Variants in ESRRG observed in about 807,000 individuals in gnomAD.
ESRRG encodes the protein estrogen related receptor gamma, also known as estrogen-related receptor gamma.
ESRRG carries 13 observed loss-of-function variants against 44.0 expected under a neutral mutation model. That is an observed-to-expected ratio of 0.30 (90% CI 0.19 to 0.47). The LOEUF is 0.47. Among genes scored for constraint, ESRRG ranks in the 20% least tolerant of loss-of-function variants. The pLI, the probability that ESRRG is intolerant of heterozygous loss-of-function variation, is 1.00. For missense variants in ESRRG, 395 were observed against 580.6 expected (o/e 0.68, Z 3.29); for synonymous variants, 215 against 214.6 (o/e 1.00, Z -0.02).
intron 1 of ESRRG, among the ~76,000 whole-genome samples, chr1:217,088,398 C>CTTTTTTTTTTTTT (rs71585811): frequency 1.3e-4 from 8 of 59,740 alleles, no homozygotes; most frequent in African/African-American, 5.1e-4. Flanking sequence ...TTTTTCCTGT[C>CTTTTTTTTTTTTT]TTTTTTTTTT....
chr1:217,030,191 T>C (rs562944747), intron 1 of ESRRG, among the ~76,000 whole-genome samples: 1 of 152,194 alleles, frequency 6.6e-6, no homozygotes, highest in East Asian at 1.9e-4. Context: ...CTCATGGACA[T>C]GACCATAAAC....
At chr1:216,680,945 G>C (rs998793909) in intron 1 of ESRRG, among the ~76,000 whole-genome samples, 36 of 152,246 alleles carry the variant, frequency 2.4e-4, no homozygotes, top group African/African-American at 8.2e-4. Context: ...TTGTCAGAAA[G>C]AGCCATTTTC....
chr1:216,617,096 G>T (rs1272029844), intron 3 of ESRRG, among the ~76,000 whole-genome samples: 1 of 152,040 alleles, frequency 6.6e-6, no homozygotes, highest in Non-Finnish European at 1.5e-5. Flanking sequence ...TTCAATGTTT[G>T]TTATATGATG....
chr1:216,768,494 C>CTATCTATA (rs1182367720), intron 2 of ESRRG, among the ~76,000 whole-genome samples: 1 of 150,842 alleles, frequency 6.6e-6, no homozygotes, highest in Non-Finnish European at 1.5e-5. Flanking sequence ...ATCTATCTAT[C>CTATCTATA]TATCTATATT....
intron 1 of ESRRG, among the ~76,000 whole-genome samples, chr1:217,038,914 A>C (rs1453491952): frequency 6.6e-6 from 1 of 152,206 alleles, no homozygotes; most frequent in Non-Finnish European, 1.5e-5. Context: ...CTTTAACAGC[A>C]AGTAAGTCAC....
chr1:216,806,006 G>A (rs2094781070), intron 2 of ESRRG, among the ~76,000 whole-genome samples: 1 of 152,116 alleles, frequency 6.6e-6, no homozygotes, highest in South Asian at 2.1e-4. Flanking sequence ...TCCTCTATGG[G>A]ACTTGGAACC....
At chr1:216,873,745 C>T (rs990555967) in intron 2 of ESRRG, among the ~76,000 whole-genome samples, 7 of 151,166 alleles carry the variant, frequency 4.6e-5, no homozygotes, top group Admixed American at 6.6e-5. Context: ...GGGACCACAG[C>T]TCCACTGAAA....
chr1:216,811,450 C>A (rs1330411010), intron 2 of ESRRG, among the ~76,000 whole-genome samples: 1 of 152,154 alleles, frequency 6.6e-6, no homozygotes, highest in Non-Finnish European at 1.5e-5. Context: ...CACTCATTAA[C>A]TCTAACCTCT....
chr1:217,093,154 C>T (rs1502357), upstream of ESRRG, among the ~76,000 whole-genome samples: 63,150 of 152,024 alleles, frequency 0.42, 14,384 homozygotes, highest in East Asian at 0.57. Flanking sequence ...AATAAGAACC[C>T]GTAGGCAGGA....
intron 1 of ESRRG, among the ~76,000 whole-genome samples, chr1:217,068,857 C>G (rs2090156970): frequency 6.6e-6 from 1 of 152,186 alleles, no homozygotes; most frequent in Non-Finnish European, 1.5e-5. Flanking sequence ...TTAAAATACT[C>G]CAATCCCTAA....
intron 6 of ESRRG, among the ~76,000 whole-genome samples, chr1:216,516,812 G>C (rs1316642201): frequency 6.6e-6 from 1 of 151,960 alleles, no homozygotes; most frequent in Non-Finnish European, 1.5e-5. Flanking sequence ...TTCAATCTTG[G>C]ATCTATAACT....
In ESRRG at chr1:216,731,361, T is replaced by C. The variant is rs74598798; in HGVS notation, c.-13-53870A>G. On this transcript the variant is annotated intron_variant, in intron 2 of 7. Coordinates refer to the ESRRG transcript ENST00000359162. Reference sequence around the variant, plus strand: ...GTGGGAAGGTGGATTTTTCCTCTTATGGGGAGAGGAAGAAGGGAATTAATC... The same window carrying C: ...GTGGGAAGGTGGATTTTTCCTCTTACGGGGAGAGGAAGAAGGGAATTAATC... Among the ~76,000 whole-genome samples the C allele has an allele frequency of 6.2e-3, 949 of 152,292 alleles. 11 individuals are homozygous for C. Among genetic ancestry groups the C allele is most frequent in the African/African-American group, 0.022 (906 of 41,564 alleles).
chr1:216,810,199 C>G (rs1422749382), intron 2 of ESRRG, among the ~76,000 whole-genome samples: 1 of 152,164 alleles, frequency 6.6e-6, no homozygotes, highest in Non-Finnish European at 1.5e-5. Flanking sequence ...TTCCCCACAC[C>G]TGCACCAGAC....
upstream of ESRRG, among the ~76,000 whole-genome samples, chr1:217,093,581 G>C (rs1048504517): frequency 2.6e-5 from 4 of 151,998 alleles, no homozygotes; most frequent in Admixed American, 2.0e-4. Context: ...CCAGGATTTT[G>C]AGACCAGCCT....
chr1:216,789,425 G>A (rs1559644847), intron 2 of ESRRG, among the ~76,000 whole-genome samples: 1 of 152,072 alleles, frequency 6.6e-6, no homozygotes, highest in African/African-American at 2.4e-5. Flanking sequence ...CTTAAGGCAT[G>A]GATGTTACCT....
intron 5 of ESRRG, among the ~76,000 whole-genome samples, chr1:216,560,100 C>A (rs746159444): frequency 3.7e-4 from 57 of 152,104 alleles, no homozygotes; most frequent in Non-Finnish European, 7.1e-4. Context: ...GCTTAGATTT[C>A]TGTTTCTTAT....
chr1:216,931,182 G>A (rs146506448), intron 2 of ESRRG, among the ~76,000 whole-genome samples: 64 of 152,272 alleles, frequency 4.2e-4, no homozygotes, highest in Non-Finnish European at 6.5e-4. Context: ...TGACATGCAC[G>A]TTTCTCCTAA....
intron 5 of ESRRG, among the ~76,000 whole-genome samples, chr1:216,546,457 G>A (rs929822104): frequency 2.0e-5 from 3 of 151,950 alleles, no homozygotes; most frequent in Admixed American, 6.6e-5. Flanking sequence ...ATACTAGGCC[G>A]GCTTCATGGG....
At chr1:216,756,023 T>G (rs1011073337) in intron 2 of ESRRG, among the ~76,000 whole-genome samples, 3 of 152,058 alleles carry the variant, frequency 2.0e-5, no homozygotes, top group Non-Finnish European at 2.9e-5. Flanking sequence ...CCAAGTAGTG[T>G]GCATTCCCAA....
Sources: gnomAD v4.1 joint callset for allele counts (sites outside exome capture counted in the v4.1 genomes callset) on GRCh38, gnomAD v4.1.1 for gene constraint, MANE v1.5 for transcripts, NCBI Gene and HGNC (gene_info 2026-07-23, HGNC 2026-07-21) for gene names.